Variants in DSE observed in about 807,000 individuals in gnomAD.
The protein encoded by DSE is dermatan sulfate epimerase.
In DSE, 36 loss-of-function variants were observed where a neutral mutation model predicts 84.4. The ratio of observed to expected loss-of-function variants is 0.43; its 90% CI spans 0.33 to 0.56. The LOEUF (loss-of-function observed/expected upper bound fraction) is 0.56, where lower values mean the gene tolerates loss of function less well. Among genes scored for constraint, DSE ranks in the 20% least tolerant of loss-of-function variants. The pLI, the probability that DSE is intolerant of heterozygous loss-of-function variation, is 0.06. For missense variants in DSE, 862 were observed against 1,169.6 expected (o/e 0.74, Z 3.84); for synonymous variants, 410 against 430.1 (o/e 0.95, Z 0.58).
intron 5 of DSE, among the ~76,000 whole-genome samples, chr6:116,434,612 TA>T (rs1388739085): frequency 6.6e-6 from 1 of 152,204 alleles, no homozygotes; most frequent in East Asian, 1.9e-4. Flanking sequence ...AAGTCTAACT[TA>T]AAAATCTGCC....
rs144219378 is a variant in DSE, at chr6:116,302,574, T to G, written c.-54+43607T>G. ...TCAGATGGATAGATTGCAAACATTTTCTCTCATTTTGTAGGTTGCCTATTC... is the reference window on the plus strand; with the variant it reads ...TCAGATGGATAGATTGCAAACATTTGCTCTCATTTTGTAGGTTGCCTATTC... On this transcript the variant is annotated intron_variant, in intron 2 of 3. Transcript: ENST00000430252. Among the ~76,000 whole-genome samples, 971 of 152,360 alleles carry G rather than the reference T, an allele frequency of 6.4e-3. 9 individuals are homozygous for G. Among genetic ancestry groups the G allele is most frequent in the African/African-American group, 0.022 (922 of 41,580 alleles).
At chr6:116,414,039 G>C (rs964249523) in intron 2 of DSE, among the ~76,000 whole-genome samples, 5 of 152,202 alleles carry the variant, frequency 3.3e-5, no homozygotes, top group Non-Finnish European at 7.3e-5. Context: ...GAAGATGATG[G>C]GGAGTGTACG....
intron 2 of DSE, among the ~76,000 whole-genome samples, chr6:116,356,542 T>C (rs1017395922): frequency 6.6e-6 from 1 of 152,258 alleles, no homozygotes; most frequent in Non-Finnish European, 1.5e-5. Flanking sequence ...ATATTTCTAC[T>C]GGACAATTTT....
rs574306250 is a variant in DSE at position 116,356,316 on chromosome 6, A to G, written c.-53-42882A>G. Among the ~76,000 whole-genome samples the G allele has an allele frequency of 4.3e-4, 65 of 152,324 alleles. 2 individuals are homozygous for G. In the South Asian group the frequency reaches 0.013, roughly 31 times the overall value. On this transcript the variant is annotated intron_variant, in intron 2 of 3. Coordinates refer to the DSE transcript ENST00000430252. ...CTTTACACAACTGCCTAAAGCTATGATATCTAATATGGTAGACAGTAGCCA... is the reference window on the plus strand; with the variant it reads ...CTTTACACAACTGCCTAAAGCTATGGTATCTAATATGGTAGACAGTAGCCA...
At chr6:116,326,611 A>C (rs895924787) in intron 2 of DSE, among the ~76,000 whole-genome samples, 1 of 152,176 alleles carries the variant, frequency 6.6e-6, no homozygotes, top group Non-Finnish European at 1.5e-5. Context: ...CTACAGTCCT[A>C]CACTGTGTCT....
chr6:116,419,247 C>T (rs560187022), intron 2 of DSE, among the ~76,000 whole-genome samples: 95 of 152,294 alleles, frequency 6.2e-4, no homozygotes, highest in Admixed American at 7.2e-4. Flanking sequence ...AATCCACTTC[C>T]CTTTAGCTAC....
intron 2 of DSE, among the ~76,000 whole-genome samples, chr6:116,349,570 G>A (rs138329095): frequency 2.8e-4 from 42 of 152,294 alleles, no homozygotes; most frequent in Admixed American, 4.6e-4. Context: ...TAGAGCAGTT[G>A]GCTTTCCCTG....
chr6:116,318,277 C>T (rs1253227147), intron 2 of DSE, among the ~76,000 whole-genome samples: 1 of 152,096 alleles, frequency 6.6e-6, no homozygotes, highest in African/African-American at 2.4e-5. Context: ...GAGGCCAAGG[C>T]AGGCAGATCA....
rs1296993682 is a variant in DSE at position 116,442,770 on chromosome 6, T to G, written c.*5425T>G. On this transcript the variant is annotated 3_prime_UTR_variant, in exon 6 of 6. Coordinates refer to ENST00000644252, the MANE Select transcript of DSE (RefSeq NM_013352.4). ...TTTATGCCTCAGCATAACTGAGGGC[T>G]ACAACATAACACCCATCACTCAACA... 1 of 152,242 alleles carries G rather than the reference T, an allele frequency of 6.6e-6. No homozygotes were observed. The highest frequency in any genetic ancestry group is 1.5e-5 in the Non-Finnish European group (1 of 68,064). The allele number at this position is 152,242 out of a possible 1,614,324, so 9.4% of individuals were successfully genotyped here.
At chr6:116,420,288 G>A (rs949833603) in intron 2 of DSE, among the ~76,000 whole-genome samples, 9 of 152,134 alleles carry the variant, frequency 5.9e-5, no homozygotes, top group South Asian at 2.1e-4. Context: ...TTATATTGAA[G>A]CCCTAACCCC....
chr6:116,269,164 G>A (rs867651396), intron 2 of DSE, among the ~76,000 whole-genome samples: 5 of 152,114 alleles, frequency 3.3e-5, no homozygotes, highest in African/African-American at 7.2e-5. Context: ...CAGATCTGAC[G>A]TCAAGTCCCA....
Position 116,437,552 on chromosome 6 carries a change from C to A in DSE, c.*207C>A. The A allele has an allele frequency of 1.9e-6, 1 of 520,560 alleles. No individual in the cohort carries two copies. The highest frequency in any genetic ancestry group is 3.3e-6 in the Non-Finnish European group (1 of 303,924). 32.2% of individuals were successfully genotyped at this position (520,560 alleles called of 1,614,324 possible). On this transcript the variant is annotated 3_prime_UTR_variant, in exon 6 of 6. Transcript: ENST00000644252. ...AAAGCAATAGAAATAGCTTGGTGGT[C>A]CTATGGTGTTTTTGGAAGTATTTGG... is the stretch of plus-strand genomic sequence containing the variant.
chr6:116,274,118 C>T (rs1472812634), intron 2 of DSE, among the ~76,000 whole-genome samples: 1 of 151,944 alleles, frequency 6.6e-6, no homozygotes, highest in Admixed American at 6.5e-5. Context: ...GCGTGAGCCA[C>T]CCTGCCCGGC....
intron 2 of DSE, among the ~76,000 whole-genome samples, chr6:116,300,077 A>G (rs939462097): frequency 2.2e-4 from 34 of 152,334 alleles, no homozygotes; most frequent in African/African-American, 8.2e-4. Context: ...AACTTTTCTT[A>G]GGAAGATGTA....
chr6:116,346,758 A>G (rs1778002745), intron 2 of DSE, among the ~76,000 whole-genome samples: 1 of 152,200 alleles, frequency 6.6e-6, no homozygotes, highest in Non-Finnish European at 1.5e-5. Flanking sequence ...TAGTGTTGGA[A>G]GTTCTGGCCA....
At chr6:116,316,688 TG>T (rs1386217967) in intron 2 of DSE, among the ~76,000 whole-genome samples, 1 of 152,084 alleles carries the variant, frequency 6.6e-6, no homozygotes, top group Non-Finnish European at 1.5e-5. Context: ...CCAGAAAGAT[TG>T]GTATTTGGTT....
intron 2 of DSE, among the ~76,000 whole-genome samples, chr6:116,363,505 C>T (rs1341560247): frequency 6.6e-6 from 1 of 151,950 alleles, no homozygotes; most frequent in Non-Finnish European, 1.5e-5. Context: ...ACAGGAAATT[C>T]AGAAAATTGA....
At chr6:116,281,171 G>A (rs536518954) in intron 2 of DSE, among the ~76,000 whole-genome samples, 1 of 152,218 alleles carries the variant, frequency 6.6e-6, no homozygotes, top group South Asian at 2.1e-4. Flanking sequence ...GAGAATAGGT[G>A]TGGGAGGGAG....
intron 2 of DSE, among the ~76,000 whole-genome samples, chr6:116,415,087 T>C (rs1359368011): frequency 3.9e-5 from 6 of 152,224 alleles, no homozygotes; most frequent in Non-Finnish European, 8.8e-5. Flanking sequence ...CTTTTTGATA[T>C]ACATCCTAAT....
Sources: allele counts gnomAD v4.1 joint callset (sites outside exome capture counted in the v4.1 genomes callset), GRCh38; gene constraint gnomAD v4.1.1; transcripts MANE v1.5; gene names NCBI Gene and HGNC (gene_info 2026-07-23, HGNC 2026-07-21).